The following FOXN3 variants were observed in gnomAD, a reference collection of about 807,000 sequenced individuals.
FOXN3 encodes the protein forkhead box N3.
FOXN3 carries 7 observed loss-of-function variants against 38.4 expected under a neutral mutation model. That is an observed-to-expected ratio of 0.18 (90% CI 0.10 to 0.34). FOXN3 has a LOEUF of 0.34. Among genes scored for constraint, FOXN3 ranks in the 10% least tolerant of loss-of-function variants. The probability of loss-of-function intolerance (pLI) is 1.00; values close to 1 mark genes in which losing one functional copy is unlikely to be tolerated. For missense variants in FOXN3, 456 were observed against 613.4 expected, an observed-to-expected ratio of 0.74 and a Z score of 2.71; for synonymous variants, 230 against 242.2, an observed-to-expected ratio of 0.95 and a Z score of 0.47.
chr14:89,470,861 C>A (rs941401749), intron 1 of FOXN3, among the ~76,000 whole-genome samples: 3 of 152,172 alleles, frequency 2.0e-5, no homozygotes, highest in African/African-American at 7.2e-5. Context: ...CTTCCCTGAC[C>A]TTCATGAGGG....
intron 1 of FOXN3, among the ~76,000 whole-genome samples, chr14:89,415,801 G>A (rs1299803242): frequency 7.4e-6 from 1 of 135,168 alleles, no homozygotes; most frequent in African/African-American, 2.7e-5. Flanking sequence ...TGCTCCACCA[G>A]ATACGCAAAT....
chr14:89,413,234 G>C (rs1372448280), intron 1 of FOXN3, among the ~76,000 whole-genome samples: 2 of 152,126 alleles, frequency 1.3e-5, no homozygotes, highest in African/African-American at 4.8e-5. Flanking sequence ...TAACCAAAAA[G>C]GTCTCCCACT....
At chr14:89,513,123 C>T (rs1056132382) in intron 1 of FOXN3, among the ~76,000 whole-genome samples, 1 of 126,434 alleles carries the variant, frequency 7.9e-6, no homozygotes, top group African/African-American at 2.9e-5. Context: ...ACTCCAACCT[C>T]GGCAACAGAG....
At chr14:89,427,472 ATTTTT>A (rs1195606471) in intron 1 of FOXN3, among the ~76,000 whole-genome samples, 1 of 124,876 alleles carries the variant, frequency 8.0e-6, no homozygotes, top group African/African-American at 3.0e-5. Context: ...CGCCCGGCTG[ATTTTT>A]TTTTTTTTTT....
chr14:89,260,816 C>T (rs1043239454), intron 4 of FOXN3, among the ~76,000 whole-genome samples: 1 of 152,210 alleles, frequency 6.6e-6, no homozygotes, highest in Non-Finnish European at 1.5e-5. Flanking sequence ...TAACATTACC[C>T]TAATGACATA....
At position 89,383,660 on chromosome 14, in the gene FOXN3, G is replaced by GT. The variant is rs1189709625; in HGVS notation, c.543+28273dup. On this transcript the variant is annotated intron_variant, in intron 2 of 5. Coordinates refer to ENST00000557258, the MANE Select transcript of FOXN3 (RefSeq NM_005197.4). ...TCTCTTCCTGTGTCATCTTCCCCAC[G>GT]TATCTGTTTCCTTTCCTCTCCTCTC... Among the ~76,000 whole-genome samples, 9 of 152,038 alleles carry GT rather than the reference G, an allele frequency of 5.9e-5. No homozygotes were observed. In the East Asian group the frequency reaches 1.7e-3, roughly 29 times the overall value.
intron 1 of FOXN3, among the ~76,000 whole-genome samples, chr14:89,519,002 G>A (rs28458298): frequency 0.052 from 7,937 of 152,188 alleles, 749 homozygotes; most frequent in African/African-American, 0.18. Flanking sequence ...GCAACAGTGC[G>A]AGACTCTGCC....
At chr14:89,469,085 CCT>C (rs1250863070) in intron 1 of FOXN3, among the ~76,000 whole-genome samples, 7 of 152,198 alleles carry the variant, frequency 4.6e-5, no homozygotes, top group African/African-American at 1.7e-4. Flanking sequence ...TTGATTTGAA[CCT>C]CTTTTATTAT....
At chr14:89,444,705 T>C (rs554563076) in intron 1 of FOXN3, among the ~76,000 whole-genome samples, 1 of 152,200 alleles carries the variant, frequency 6.6e-6, no homozygotes, top group Admixed American at 6.5e-5. Context: ...AGCTTCCCGA[T>C]GTTCTGTCAC....
intron 1 of FOXN3, among the ~76,000 whole-genome samples, chr14:89,497,404 CTTTTT>C (rs71107518): frequency 1.2e-5 from 1 of 86,880 alleles, no homozygotes; most frequent in African/African-American, 4.4e-5. Flanking sequence ...GTATAAATAT[CTTTTT>C]TTTTTTTTTT....
At chr14:89,331,818 T>G (rs547522923) in intron 3 of FOXN3, among the ~76,000 whole-genome samples, 1 of 152,382 alleles carries the variant, frequency 6.6e-6, no homozygotes, top group Non-Finnish European at 1.5e-5. Context: ...TATTATTTTT[T>G]GTAAAACAAA....
At chr14:89,291,355 C>A in intron 3 of FOXN3, 1 of 578,678 alleles carries the variant, frequency 1.7e-6, no homozygotes. Context: ...AAGGAAAGCC[C>A]TGTAACACCC....
At chr14:89,505,410 G>A (rs1779999522) in intron 1 of FOXN3, among the ~76,000 whole-genome samples, 1 of 151,958 alleles carries the variant, frequency 6.6e-6, no homozygotes, top group South Asian at 2.1e-4. Context: ...GAGTGCCTGC[G>A]ATTGCAGGCG....
At chr14:89,254,721 G>A (rs1312312944) in intron 4 of FOXN3, among the ~76,000 whole-genome samples, 2 of 152,210 alleles carry the variant, frequency 1.3e-5, no homozygotes, top group African/African-American at 4.8e-5. Flanking sequence ...CTGGTGGGGT[G>A]GGATCACCTC....
chr14:89,605,175 C>A lies in FOXN3; in HGVS notation c.-15+13853G>T, dbSNP rs544912305. 5.3e-5 allele frequency among the ~76,000 whole-genome samples: 8 copies of A among 151,376 alleles called. No homozygotes were observed. In the South Asian group the frequency reaches 1.2e-3, roughly 24 times the overall value. On this transcript the variant is annotated intron_variant, in intron 1 of 6. Coordinates refer to the FOXN3 transcript ENST00000345097. ...TGTAATCTGTGAGATTAAAAAAAAA[C>A]ACAAAAAAAACAAGATAAAACTAAA... is the stretch of plus-strand genomic sequence containing the variant.
rs542237482 is a variant in FOXN3 at position 89,410,864 on chromosome 14, C to A, written c.543+1070G>T. On this transcript the variant is annotated intron_variant, in intron 2 of 5. Coordinates refer to ENST00000557258, the MANE Select transcript of FOXN3 (RefSeq NM_005197.4). ...CTCCAGCCTGGGTGACAGAGCAAGACCCTGGTCCCAAAAAAAAAGAGGAAA... is the reference window on the plus strand; with the variant it reads ...CTCCAGCCTGGGTGACAGAGCAAGAACCTGGTCCCAAAAAAAAAGAGGAAA... Among the ~76,000 whole-genome samples, 6 of 150,582 alleles carry A rather than the reference C, an allele frequency of 4.0e-5. No individual in the cohort carries two copies. In the East Asian group the frequency reaches 9.7e-4, roughly 24 times the overall value.
At chr14:89,175,229 T>C (rs1596080931) in intron 5 of FOXN3, among the ~76,000 whole-genome samples, 1 of 152,244 alleles carries the variant, frequency 6.6e-6, no homozygotes, top group Admixed American at 6.5e-5. Flanking sequence ...CACTTGAGGT[T>C]GCTGGAGATC....
At chr14:89,221,608 A>C (rs2139843014) in intron 4 of FOXN3, among the ~76,000 whole-genome samples, 2 of 152,332 alleles carry the variant, frequency 1.3e-5, no homozygotes, top group East Asian at 3.9e-4. Context: ...TGATTTTGCC[A>C]ACTTCCTCAC....
chr14:89,194,747 TGAGA>T (rs1888054249), intron 4 of FOXN3, among the ~76,000 whole-genome samples: 1 of 150,946 alleles, frequency 6.6e-6, no homozygotes, highest in African/African-American at 2.4e-5. Context: ...GGATATAATT[TGAGA>T]GAGAAATGCC....
Sources: gnomAD v4.1 joint callset for allele counts (sites outside exome capture counted in the v4.1 genomes callset) on GRCh38, gnomAD v4.1.1 for gene constraint, MANE v1.5 for transcripts, NCBI Gene and HGNC (gene_info 2026-07-23, HGNC 2026-07-21) for gene names.